The following EHD2 variants were observed in gnomAD, a reference collection of about 807,000 sequenced individuals.
The protein encoded by EHD2 is EH domain containing 2.
EHD2 carries 27 observed loss-of-function variants against 41.0 expected under a neutral mutation model. The observed-to-expected ratio is 0.66, with a 90% CI of 0.49 to 0.91. The LOEUF is 0.91. Ranked by LOEUF, EHD2 falls within the 40% of genes least tolerant of loss-of-function variation. The probability of loss-of-function intolerance (pLI) is 0.00; values close to 1 mark genes in which losing one functional copy is unlikely to be tolerated. For missense variants in EHD2, 673 were observed against 773.9 expected, an observed-to-expected ratio of 0.87 and a Z score of 1.55; for synonymous variants, 342 against 341.0, an observed-to-expected ratio of 1.00 and a Z score of -0.03.
intron 1 of EHD2, among the ~76,000 whole-genome samples, chr19:47,715,574 G>C (rs754470741): frequency 4.4e-4 from 67 of 152,240 alleles, no homozygotes; most frequent in Admixed American, 1.1e-3. Flanking sequence ...GAAGCATGGA[G>C]TGAGTGATTT....
At chr19:47,732,337 T>TCTAA (rs1966882359) in intron 4 of EHD2, 4 of 152,122 alleles carry the variant, frequency 2.6e-5, no homozygotes, top group African/African-American at 9.7e-5. Flanking sequence ...CAGGCTGGTC[T>TCTAA]CTAACTCCTG....
chr19:47,733,776 T>C (rs1235894476), intron 4 of EHD2, among the ~76,000 whole-genome samples: 32 of 42,570 alleles, frequency 7.5e-4, no homozygotes, highest in East Asian at 1.7e-3. Context: ...AAAAAAAAAA[T>C]CCACTGTCCA....
intron 2 of EHD2, among the ~76,000 whole-genome samples, chr19:47,717,779 G>C (rs12972863): frequency 0.085 from 12,735 of 149,426 alleles, 622 homozygotes; most frequent in East Asian, 0.17. Context: ...GTGGTGGTTC[G>C]TGCCTGTAAT....
chr19:47,723,124 A>G (rs1973714480), intron 3 of EHD2, among the ~76,000 whole-genome samples: 1 of 152,066 alleles, frequency 6.6e-6, no homozygotes, highest in Non-Finnish European at 1.5e-5. Flanking sequence ...CTGGGCTCCC[A>G]CAGCTCCCTG....
At chr19:47,720,303 ACAGG>A (rs1973681998) in intron 3 of EHD2, among the ~76,000 whole-genome samples, 1 of 151,862 alleles carries the variant, frequency 6.6e-6, no homozygotes, top group Non-Finnish European at 1.5e-5. Context: ...AGCCAGGACT[ACAGG>A]CGCCCGCCGC....
chr19:47,741,942 C>A lies in EHD2; in HGVS notation c.*510C>A, dbSNP rs574700748. On this transcript the variant is annotated 3_prime_UTR_variant, in exon 6 of 6. Coordinates refer to ENST00000263277, the MANE Select transcript of EHD2 (RefSeq NM_014601.4). This position sits in a 1 kb window ranked among gnomAD's most constrained non-coding sequence, Gnocchi z 4.5. Reference sequence around the variant, plus strand: ...AAATGACTAGCAGATAAACAGACCCCCTTCTGCTCCGCTTCCTCCTGCCCA... The same window carrying A: ...AAATGACTAGCAGATAAACAGACCCACTTCTGCTCCGCTTCCTCCTGCCCA... 1 of 456,412 alleles carries A rather than the reference C, an allele frequency of 2.2e-6. No individual in the cohort carries two copies. The highest frequency in any genetic ancestry group is 4.4e-6 in the Non-Finnish European group (1 of 227,046). The allele number at this position is 456,412 out of a possible 1,614,324, so 28.3% of individuals were successfully genotyped here. A position where few individuals can be genotyped will look rare whatever the true frequency, so the allele number is the denominator to read the frequency against.
At chr19:47,736,191 G>A (rs1363816691) in intron 4 of EHD2, among the ~76,000 whole-genome samples, 178 bp from the exon 5 acceptor site, 3 of 151,952 alleles carry the variant, frequency 2.0e-5, no homozygotes, top group African/African-American at 7.3e-5. Flanking sequence ...GCGAGACTCC[G>A]TCTCAAAGAA....
intron 1 of EHD2, among the ~76,000 whole-genome samples, chr19:47,715,155 G>A (rs118085184): frequency 0.015 from 2,332 of 152,216 alleles, 25 homozygotes; most frequent in African/African-American, 0.02. Context: ...AAGTGAGTTA[G>A]TACAGTACCT....
intron 3 of EHD2, among the ~76,000 whole-genome samples, chr19:47,722,982 T>C (rs539092442): frequency 3.3e-5 from 5 of 152,324 alleles, no homozygotes; most frequent in Admixed American, 2.6e-4. Context: ...CTGGAGGGCA[T>C]GAAGTCAGTA....
intron 4 of EHD2, chr19:47,726,436 C>T: frequency 2.2e-6 from 1 of 455,982 alleles, no homozygotes; most frequent in Non-Finnish European, 3.7e-6. Context: ...CCGTGTCACC[C>T]TGGCTTCTCT....
intron 5 of EHD2, 61 bp downstream of exon 5, chr19:47,736,594 G>A: frequency 6.6e-7 from 1 of 1,505,070 alleles, no homozygotes; most frequent in South Asian, 1.4e-5. Flanking sequence ...GTTTCTGGAA[G>A]CTCTGAGATG....
intron 4 of EHD2, among the ~76,000 whole-genome samples, chr19:47,728,046 A>G (rs1285107263): frequency 1.3e-5 from 2 of 148,872 alleles, no homozygotes; most frequent in Non-Finnish European, 3.0e-5. Context: ...CAGTGAGCTG[A>G]GATTGTACCA....
chr19:47,732,960 G>A (rs897066214), intron 4 of EHD2: 1 of 151,882 alleles, frequency 6.6e-6, no homozygotes, highest in Non-Finnish European at 1.5e-5. Context: ...GTGCATGCCT[G>A]TGATCCCAGC....
chr19:47,723,640 C>T (rs1973719913), intron 3 of EHD2, among the ~76,000 whole-genome samples: 6 of 125,998 alleles, frequency 4.8e-5, no homozygotes, highest in Middle Eastern at 0.011. Flanking sequence ...TGGGCGACAG[C>T]GAGACTCCGT....
intron 4 of EHD2, among the ~76,000 whole-genome samples, chr19:47,732,431 T>G (rs1018685738): frequency 6.6e-6 from 1 of 151,546 alleles, no homozygotes; most frequent in Non-Finnish European, 1.5e-5. Flanking sequence ...TTTATTCATT[T>G]TTTTAGAGAC....
intron 3 of EHD2, among the ~76,000 whole-genome samples, chr19:47,721,145 G>T (rs1255342691): frequency 6.9e-6 from 1 of 145,940 alleles, no homozygotes; most frequent in Non-Finnish European, 1.5e-5. Context: ...CTATGTTTGT[G>T]TCTGGATGTG....
At chr19:47,721,920 G>T (rs73569516) in intron 3 of EHD2, among the ~76,000 whole-genome samples, 1 of 151,580 alleles carries the variant, frequency 6.6e-6, no homozygotes, top group African/African-American at 2.4e-5. Flanking sequence ...AGGAGGTGGA[G>T]GTTGCAGTGA....
Position 47,741,156 on chromosome 19 carries a change from A to C in EHD2, c.1356A>C (p.Lys452Asn). ...AEWVVTKDKS[K>N]YDEIFYNLAP... ...GGGTGGTGACCAAGGACAAGTCCAA[A>C]TACGACGAGATCTTCTACAACCTGG... The change falls in exon 6 of 6, where the codon AAA (lysine) becomes AAC (asparagine). Residue 452 changes from lysine (K) to asparagine (N), a missense_variant. Coordinates refer to ENST00000263277, the MANE Select transcript of EHD2 (RefSeq NM_014601.4). The surrounding 1 kb of genome is among the most constrained non-coding windows in gnomAD (Gnocchi z 4.5). 6.2e-7 allele frequency: 1 copy of C among 1,613,070 alleles called. No homozygotes were observed. The highest frequency in any genetic ancestry group is 8.5e-7 in the Non-Finnish European group (1 of 1,179,986).
Position 47,720,763 on chromosome 19 carries a change from C to T in EHD2, c.502+2157C>T, listed in dbSNP as rs184031903. ...TGGCTGCATGGGGCGGTCAGGGCTGCGGGGATTTTGTGGGACTGTGTGTGA... is the reference window on the plus strand; with the variant it reads ...TGGCTGCATGGGGCGGTCAGGGCTGTGGGGATTTTGTGGGACTGTGTGTGA... On this transcript the variant is annotated intron_variant, in intron 3 of 5. Coordinates refer to ENST00000263277, the MANE Select transcript of EHD2 (RefSeq NM_014601.4). Among the ~76,000 whole-genome samples the T allele has an allele frequency of 3.3e-5, 5 of 151,838 alleles. No individual in the cohort carries two copies. In the South Asian group the frequency reaches 6.3e-4, roughly 19 times the overall value.
Sources: gnomAD v4.1 joint callset for allele counts (sites outside exome capture counted in the v4.1 genomes callset) on GRCh38, gnomAD v4.1.1 for gene constraint, Gnocchi (gnomAD v3.1) non-coding constraint, MANE v1.5 for transcripts, NCBI Gene and HGNC (gene_info 2026-07-23, HGNC 2026-07-21) for gene names.